The following ADGRL1 variants were observed in gnomAD, a reference collection of about 807,000 sequenced individuals.
ADGRL1 encodes adhesion G protein-coupled receptor L1, also known as CIRL-1.
ADGRL1 carries 31 observed loss-of-function variants against 148.9 expected under a neutral mutation model. The ratio of observed to expected loss-of-function variants is 0.21; its 90% CI spans 0.16 to 0.28. The LOEUF (loss-of-function observed/expected upper bound fraction) is 0.28. Ranked by LOEUF, ADGRL1 falls within the 10% of genes least tolerant of loss-of-function variation. The probability of loss-of-function intolerance (pLI) is 1.00; values close to 1 mark genes in which losing one functional copy is unlikely to be tolerated. For missense variants in ADGRL1, 1,521 were observed against 2,058.8 expected (o/e 0.74, Z 5.05); for synonymous variants, 937 against 900.3 (o/e 1.04, Z -0.73).
chr19:14,158,496 C>T lies in ADGRL1; in HGVS notation c.2206G>A (p.Glu736Lys), dbSNP rs1969001238. The T allele has an allele frequency of 6.2e-7, 1 of 1,614,088 alleles. No homozygotes were observed. The highest frequency in any genetic ancestry group is 8.5e-7 in the Non-Finnish European group (1 of 1,180,032). ...YNNLGLFLST[E>K]NATVKLAGEA... Reference sequence around the variant, plus strand: ...CCGGCCAGCTTCACTGTGGCATTCTCCGTGGACAGGAAGAGGCCCAGGTTG... The same window carrying T: ...CCGGCCAGCTTCACTGTGGCATTCTTCGTGGACAGGAAGAGGCCCAGGTTG... The change falls in exon 12 of 23, where the codon GAG becomes AAG. Residue 736 changes from glutamate (E) to lysine (K), a missense_variant. Glu to Lys is a moderately conservative substitution (Grantham distance 56, BLOSUM62 1). Around this residue, in one of 8 missense-constraint regions of ADGRL1, gnomAD observed 265 missense variants for 431.9 expected, o/e 0.61. Transcript: ENST00000361434.
In ADGRL1 at chr19:14,161,677, C is replaced by G. The variant is rs114334168; in HGVS notation, c.1196-51G>C. The G allele has an allele frequency of 2.7e-3, 3,398 of 1,272,758 alleles. 64 individuals are homozygous for G. In the African/African-American group the frequency reaches 0.044, roughly 16 times the overall value. The allele number at this position is 1,272,758 out of a possible 1,614,324, so 78.8% of individuals were successfully genotyped here. A position where few individuals can be genotyped will look rare whatever the true frequency, so the allele number is the denominator to read the frequency against. On this transcript the variant is annotated intron_variant, in intron 5 of 22. Coordinates refer to ENST00000361434, the MANE Select transcript of ADGRL1 (RefSeq NM_014921.5). The surrounding 1 kb of genome is among the most constrained non-coding windows in gnomAD (Gnocchi z 4.4). The stretch of plus-strand genomic sequence containing the variant: ...CATCCCCATGCTCAGGGCCATGCCA[C>G]AGTGTGCTTGGGCAGGGGGTCCCAG...
chr19:14,190,173 C>T (rs1281002466), intron 1 of ADGRL1, among the ~76,000 whole-genome samples: 2 of 152,200 alleles, frequency 1.3e-5, no homozygotes, highest in Admixed American at 6.5e-5. Flanking sequence ...AATCTGCCTG[C>T]CTCGGCCTCC....
chr19:14,156,744 G>T lies in ADGRL1; in HGVS notation c.2967-20C>A. 2 of 1,602,028 alleles carry T rather than the reference G, an allele frequency of 1.2e-6. No individual in the cohort carries two copies. The highest frequency in any genetic ancestry group is 1.7e-6 in the Non-Finnish European group (2 of 1,174,116). On this transcript the variant is annotated intron_variant, in intron 15 of 22. Transcript: ENST00000361434. ...CAGCAGCTGTAAAGGAAACAGGGCC[G>T]GGGTATAGAGAGAAGCCGAGGAGCC...
In ADGRL1 at chr19:14,160,057, C is replaced by A; in HGVS notation, c.1800+55G>T. 2 of 1,515,748 alleles carry A rather than the reference C, an allele frequency of 1.3e-6. No homozygotes were observed. Among genetic ancestry groups the A allele is most frequent in the South Asian group, 2.5e-5 (2 of 79,892 alleles). The allele number at this position is 1,515,748 out of a possible 1,614,324, so 93.9% of individuals were successfully genotyped here. ...GGTACCAGGTCAGGTACTTCCCAAG[C>A]CCCTGGGGGCAGGCGCCCTCCCCAT... is the stretch of plus-strand genomic sequence containing the variant. On this transcript the variant is annotated intron_variant, in intron 8 of 22. Transcript: ENST00000361434. The surrounding 1 kb of genome is among the most constrained non-coding windows in gnomAD (Gnocchi z 5.9).
Position 14,156,917 on chromosome 19 carries a change from A to T in ADGRL1, c.2966+8T>A. ...GGGAGGGTGCAGGGCTGGGAGGTGG[A>T]AACTCACGCCTTCTCGGTGCCGTAG... On this transcript the variant is annotated splice_region_variant and intron_variant, in intron 15 of 22. Coordinates refer to ENST00000361434, the MANE Select transcript of ADGRL1 (RefSeq NM_014921.5). 6.2e-7 allele frequency: 1 copy of T among 1,607,912 alleles called. No individual in the cohort carries two copies. The highest frequency in any genetic ancestry group is 8.5e-7 in the Non-Finnish European group (1 of 1,179,290).
intron 3 of ADGRL1, among the ~76,000 whole-genome samples, chr19:14,173,663 T>G (rs1261694294): frequency 6.6e-6 from 1 of 152,084 alleles, no homozygotes; most frequent in Non-Finnish European, 1.5e-5. Context: ...AATGAACAGC[T>G]AGGCTGGGCG....
At chr19:14,195,185 C>T (rs1022576105) in intron 1 of ADGRL1, among the ~76,000 whole-genome samples, 28 of 152,096 alleles carry the variant, frequency 1.8e-4, no homozygotes, top group Non-Finnish European at 2.9e-5. Flanking sequence ...ATCCATTGCA[C>T]CCAGCCATAG....
At chr19:14,197,744 G>A (rs563508872) in intron 1 of ADGRL1, among the ~76,000 whole-genome samples, 2 of 152,260 alleles carry the variant, frequency 1.3e-5, no homozygotes, top group East Asian at 1.9e-4. Context: ...CCCCACCATC[G>A]AGGGACTCTG....
chr19:14,201,003 T>C (rs1306638325), intron 1 of ADGRL1, among the ~76,000 whole-genome samples: 1 of 152,180 alleles, frequency 6.6e-6, no homozygotes, highest in Non-Finnish European at 1.5e-5. Flanking sequence ...CTGGAGACTT[T>C]CTGAGGTGTT....
At chr19:14,156,067 G>A (rs1411551282) in intron 17 of ADGRL1, 43 bp downstream of exon 17, 1 of 1,484,470 alleles carries the variant, frequency 6.7e-7, no homozygotes, top group Admixed American at 1.9e-5. Context: ...GCGTGGGGCG[G>A]GGGTGGGTGA....
In ADGRL1 at chr19:14,150,784, T is replaced by C. The variant is rs571078854; in HGVS notation, c.*89A>G. 3.4e-6 allele frequency: 5 copies of C among 1,483,264 alleles called. No individual in the cohort carries two copies. In the African/African-American group the frequency reaches 5.6e-5, roughly 17 times the overall value. The allele number at this position is 1,483,264 out of a possible 1,614,324, so 91.9% of individuals were successfully genotyped here. On this transcript the variant is annotated 3_prime_UTR_variant, in exon 23 of 23. Coordinates refer to ENST00000361434, the MANE Select transcript of ADGRL1 (RefSeq NM_014921.5). ...CTGGAGAGAGTGGCCCACCAGCCAC[T>C]GCCTCCATCTGTCTCCCTCTCCCAC...
Position 14,205,003 on chromosome 19 carries a change from C to T in ADGRL1, c.-96+982G>A, listed in dbSNP as rs535447647. ...CAGGCAGGTACAGTGAGGTGTTGGC[C>T]AGGGATGGGGCAGTGTGAGGACCCG... is the stretch of plus-strand genomic sequence containing the variant. On this transcript the variant is annotated intron_variant, in intron 1 of 22. Coordinates refer to ENST00000361434, the MANE Select transcript of ADGRL1 (RefSeq NM_014921.5). Among the ~76,000 whole-genome samples, 7 of 152,082 alleles carry T rather than the reference C, an allele frequency of 4.6e-5. No individual in the cohort carries two copies. The South Asian group carries it at 1.2e-3, about 27-fold the overall frequency.
At chr19:14,181,969 G>A (rs923597557) in intron 2 of ADGRL1, among the ~76,000 whole-genome samples, 8 of 152,284 alleles carry the variant, frequency 5.3e-5, no homozygotes, top group African/African-American at 1.9e-4. Flanking sequence ...AGCAGGCTGA[G>A]CTCCCTGGGG....
intron 4 of ADGRL1, among the ~76,000 whole-genome samples, chr19:14,167,669 G>A (rs1970106732): frequency 6.6e-6 from 1 of 152,068 alleles, no homozygotes; most frequent in African/African-American, 2.4e-5. Context: ...CAAACACAGA[G>A]AGAAGGTGGC....
rs1396935124 is a variant in ADGRL1, at chr19:14,155,166, G to A, written c.3294+193C>T. The stretch of plus-strand genomic sequence containing the variant: ...TTGTTTTCCAGAACCCTCTTCACCC[G>A]TGGTTAAACCCTCCCTAACCCTGAG... On this transcript the variant is annotated intron_variant, in intron 18 of 22. Transcript: ENST00000361434. This position sits in a 1 kb window ranked among gnomAD's most constrained non-coding sequence, Gnocchi z 5.0. 4.6e-5 allele frequency: 24 copies of A among 521,172 alleles called. No individual in the cohort carries two copies. The highest frequency in any genetic ancestry group is 7.3e-5 in the South Asian group (3 of 41,094). 32.3% of individuals were successfully genotyped at this position (521,172 alleles called of 1,614,324 possible). A position where few individuals can be genotyped will look rare whatever the true frequency, so the allele number is the denominator to read the frequency against.
Position 14,160,490 on chromosome 19 carries a change from G to T in ADGRL1, c.1614+103C>A. 1 of 995,092 alleles carries T rather than the reference G, an allele frequency of 1.0e-6. No individual in the cohort carries two copies. The highest frequency in any genetic ancestry group is 1.7e-5 in the South Asian group (1 of 59,740). 61.6% of individuals were successfully genotyped at this position (995,092 alleles called of 1,614,324 possible). A position where few individuals can be genotyped will look rare whatever the true frequency, so the allele number is the denominator to read the frequency against. On this transcript the variant is annotated intron_variant, in intron 7 of 22. Coordinates refer to ENST00000361434, the MANE Select transcript of ADGRL1 (RefSeq NM_014921.5). This position sits in a 1 kb window ranked among gnomAD's most constrained non-coding sequence, Gnocchi z 5.9. Reference sequence around the variant, plus strand: ...GGTGACCCCACAGTCCTGCCTTCCAGACCTGCCAGCCCATGTCTCCCCAGC... The same window carrying T: ...GGTGACCCCACAGTCCTGCCTTCCATACCTGCCAGCCCATGTCTCCCCAGC...
chr19:14,160,045 G>C lies in ADGRL1; in HGVS notation c.1800+67C>G, dbSNP rs572682116. ...GCCTGGCTGGGAGGTACCAGGTCAG[G>C]TACTTCCCAAGCCCCTGGGGGCAGG... On this transcript the variant is annotated intron_variant, in intron 8 of 22. Coordinates refer to ENST00000361434, the MANE Select transcript of ADGRL1 (RefSeq NM_014921.5). The surrounding 1 kb of genome is among the most constrained non-coding windows in gnomAD (Gnocchi z 5.9). 1.2e-4 allele frequency: 172 copies of C among 1,488,142 alleles called. No individual in the cohort carries two copies. In the African/African-American group the frequency reaches 2.2e-3, roughly 19 times the overall value. The allele number at this position is 1,488,142 out of a possible 1,614,324, so 92.2% of individuals were successfully genotyped here. A position where few individuals can be genotyped will look rare whatever the true frequency, so the allele number is the denominator to read the frequency against.
chr19:14,163,568 C>T (rs1245801706), intron 4 of ADGRL1, among the ~76,000 whole-genome samples, 162 bp from the exon 5 acceptor site: 8 of 151,972 alleles, frequency 5.3e-5, no homozygotes, highest in Non-Finnish European at 1.0e-4. Flanking sequence ...GCTGCAGTCA[C>T]GGTTGCTTGG....
intron 1 of ADGRL1, among the ~76,000 whole-genome samples, chr19:14,186,954 A>G (rs1209904051): frequency 6.6e-6 from 1 of 152,092 alleles, no homozygotes; most frequent in Non-Finnish European, 1.5e-5. Context: ...CTCACCCGCC[A>G]TCCTTTTCCC....
Sources: allele counts gnomAD v4.1 joint callset (sites outside exome capture counted in the v4.1 genomes callset), GRCh38; gene constraint gnomAD v4.1.1; regional missense constraint gnomAD v4.1.1; non-coding constraint Gnocchi (gnomAD v3.1); transcripts MANE v1.5; gene names NCBI Gene and HGNC (gene_info 2026-07-23, HGNC 2026-07-21).